The following PPP1R12B variants were observed in gnomAD, a reference collection of about 807,000 sequenced individuals.
PPP1R12B encodes protein phosphatase 1 regulatory subunit 12B.
Under a neutral mutation model 126.1 loss-of-function variants are expected in PPP1R12B, and 76 were observed. The ratio of observed to expected loss-of-function variants is 0.60; its 90% CI spans 0.50 to 0.73. The LOEUF (loss-of-function observed/expected upper bound fraction) is 0.73, where lower values mean the gene tolerates loss of function less well. PPP1R12B is among the 30% of genes least tolerant of loss of function. The pLI is 0.00. For missense variants in PPP1R12B, 1,052 were observed against 1,205.1 expected (o/e 0.87, Z 1.88); for synonymous variants, 356 against 434.7 (o/e 0.82, Z 2.25).
Position 202,586,710 on chromosome 1 carries a change from A to G in PPP1R12B, c.*6150A>G, listed in dbSNP as rs1344455783. The G allele has an allele frequency of 3.3e-5, 5 of 152,210 alleles. No homozygotes were observed. Among genetic ancestry groups the G allele is most frequent in the African/African-American group, 7.2e-5 (3 of 41,452 alleles). The allele number at this position is 152,210 out of a possible 1,614,324, so 9.4% of individuals were successfully genotyped here. On this transcript the variant is annotated 3_prime_UTR_variant, in exon 24 of 24. Coordinates refer to ENST00000608999, the MANE Select transcript of PPP1R12B (RefSeq NM_002481.4). ...GAAAGATGCATTCACTTCTCCTTTG[A>G]GAGTTGGGGTTGAGGGCAAACATAG...
rs1308921321 is a variant in PPP1R12B, at chr1:202,416,907, A to G, written c.412A>G (p.Asn138Asp). The change falls in exon 2 of 24, where the codon AAC becomes GAC. Residue 138 changes from asparagine to aspartate, a missense_variant. By Grantham distance (23) the Asn-to-Asp change is conservative. Transcript: ENST00000608999. Reference protein sequence around the residue: ...LHAAASCGYLNIAEYFINHGA... With the variant: ...LHAAASCGYLDIAEYFINHGA... Reference sequence around the variant, plus strand: ...TGCAGCAGCTTCCTGTGGCTATCTCAACATAGCAGAGTGAGTGAGTCTCTG... The same window carrying G: ...TGCAGCAGCTTCCTGTGGCTATCTCGACATAGCAGAGTGAGTGAGTCTCTG... 1 of 1,606,932 alleles carries G rather than the reference A, an allele frequency of 6.2e-7. No homozygotes were observed. The highest frequency in any genetic ancestry group is 8.5e-7 in the Non-Finnish European group (1 of 1,174,408).
intron 5 of PPP1R12B, among the ~76,000 whole-genome samples, chr1:202,427,775 G>T (rs1214417196): frequency 1.3e-5 from 2 of 152,074 alleles, no homozygotes; most frequent in Non-Finnish European, 1.5e-5. Flanking sequence ...CTCCTGAGTA[G>T]CTGGGACTAC....
rs1238774165 is a variant in PPP1R12B, at chr1:202,419,077, T to C, written c.422+2160T>C. Among the ~76,000 whole-genome samples the C allele has an allele frequency of 2.0e-5, 3 of 152,182 alleles. No homozygotes were observed. Among genetic ancestry groups the C allele is most frequent in the Non-Finnish European group, 2.9e-5 (2 of 68,028 alleles). Reference sequence around the variant, plus strand: ...TTTCATGGTGATCTTTTTGTCTCAGTATGTTGCATCAAAAGCAGGGAGCTT... The same window carrying C: ...TTTCATGGTGATCTTTTTGTCTCAGCATGTTGCATCAAAAGCAGGGAGCTT... On this transcript the variant is annotated intron_variant, in intron 2 of 23. Transcript: ENST00000608999. The surrounding 1 kb of genome is among the most constrained non-coding windows in gnomAD (Gnocchi z 4.6).
In PPP1R12B at chr1:202,493,730, T is replaced by G. The variant is rs534990574; in HGVS notation, c.2145+413T>G. Among the ~76,000 whole-genome samples the G allele has an allele frequency of 2.0e-5, 3 of 152,312 alleles. No homozygotes were observed. The South Asian group carries it at 6.2e-4, about 32-fold the overall frequency. The stretch of plus-strand genomic sequence containing the variant: ...TGAGGTAAATATTACTATTTCTATT[T>G]TATATATGAGGAAATTGAATCACAG... On this transcript the variant is annotated intron_variant, in intron 15 of 23. Transcript: ENST00000608999.
chr1:202,575,009 A>G, intron 23 of PPP1R12B: 1 of 1,610,446 alleles, frequency 6.2e-7, no homozygotes, highest in Non-Finnish European at 8.5e-7. Flanking sequence ...CAGAACCTCC[A>G]CCAGCTAAAA....
intron 10 of PPP1R12B, chr1:202,439,697 T>C (rs1353118795): frequency 2.0e-4 from 122 of 615,616 alleles, no homozygotes; most frequent in African/African-American, 1.8e-3. Flanking sequence ...CAGCAAGGAC[T>C]GGGGGTTGTG....
At chr1:202,481,109 C>A (rs1677301499) in intron 13 of PPP1R12B, among the ~76,000 whole-genome samples, 1 of 152,208 alleles carries the variant, frequency 6.6e-6, no homozygotes, top group African/African-American at 2.4e-5. Flanking sequence ...GTTCACGTCC[C>A]TATGAGAATC....
At chr1:202,354,654 C>CTT (rs565106722) in intron 1 of PPP1R12B, among the ~76,000 whole-genome samples, 2 of 143,300 alleles carry the variant, frequency 1.4e-5, no homozygotes, top group Admixed American at 7.0e-5. Flanking sequence ...GTGTCCCATT[C>CTT]TTTTTTTTTT....
rs1690166688 is a variant in PPP1R12B at position 202,592,675 on chromosome 1, A to C, written c.*12115A>C. The C allele has an allele frequency of 6.6e-6, 1 of 152,202 alleles. No homozygotes were observed. The highest frequency in any genetic ancestry group is 1.5e-5 in the Non-Finnish European group (1 of 68,044). The allele number at this position is 152,202 out of a possible 1,614,324, so 9.4% of individuals were successfully genotyped here. ...AAGGTTCTTATTTTGTTGTTGCTTAAAAAATAAAGTAATTCATGTGTCTTC... is the reference window on the plus strand; with the variant it reads ...AAGGTTCTTATTTTGTTGTTGCTTACAAAATAAAGTAATTCATGTGTCTTC... On this transcript the variant is annotated 3_prime_UTR_variant, in exon 24 of 24. Coordinates refer to ENST00000608999, the MANE Select transcript of PPP1R12B (RefSeq NM_002481.4).
chr1:202,356,821 CT>C (rs532654783), intron 1 of PPP1R12B, among the ~76,000 whole-genome samples: 2,613 of 139,652 alleles, frequency 0.019, 18 homozygotes, highest in South Asian at 0.039. Context: ...TGATTTCAGA[CT>C]TTTTTTTTTT....
intron 13 of PPP1R12B, among the ~76,000 whole-genome samples, chr1:202,464,296 A>G (rs1333394286): frequency 6.6e-6 from 1 of 152,178 alleles, no homozygotes; most frequent in Non-Finnish European, 1.5e-5. Context: ...GATGATGGGT[A>G]AATGTTTATT....
chr1:202,554,428 C>T (rs555107846), intron 18 of PPP1R12B, among the ~76,000 whole-genome samples: 1 of 152,152 alleles, frequency 6.6e-6, no homozygotes, highest in Admixed American at 6.5e-5. Flanking sequence ...CTACTGCATC[C>T]AAAGCTCACT....
intron 13 of PPP1R12B, among the ~76,000 whole-genome samples, chr1:202,453,750 G>C (rs979643585): frequency 3.3e-5 from 5 of 151,268 alleles, no homozygotes; most frequent in Non-Finnish European, 7.4e-5. Context: ...AAGGAAGGGA[G>C]ATGTTGAGTT....
chr1:202,499,130 C>G (rs1679908258), intron 18 of PPP1R12B, among the ~76,000 whole-genome samples: 1 of 152,242 alleles, frequency 6.6e-6, no homozygotes, highest in South Asian at 2.1e-4. Flanking sequence ...TTTCCATCAC[C>G]TTAAAACGTT....
At chr1:202,501,138 A>G (rs1202399164) in intron 18 of PPP1R12B, among the ~76,000 whole-genome samples, 12 of 152,278 alleles carry the variant, frequency 7.9e-5, no homozygotes, top group African/African-American at 2.9e-4. Context: ...ATCTTAATAG[A>G]TCCTTTGTCT....
At chr1:202,456,172 G>A (rs2148740165) in intron 13 of PPP1R12B, among the ~76,000 whole-genome samples, 1 of 152,038 alleles carries the variant, frequency 6.6e-6, no homozygotes. Context: ...AGGAGGCTGA[G>A]GCAGTAGAAT....
rs1407607869 is a variant in PPP1R12B at position 202,445,197 on chromosome 1, G to A, written c.1667+2625G>A. ...CTCTTCTTGCCCTGCACCAATCAGTGCAAACACTACTGCATCTGTACATCA... is the reference window on the plus strand; with the variant it reads ...CTCTTCTTGCCCTGCACCAATCAGTACAAACACTACTGCATCTGTACATCA... On this transcript the variant is annotated intron_variant, in intron 12 of 23. Transcript: ENST00000608999. 4.8e-6 allele frequency: 6 copies of A among 1,246,628 alleles called. No homozygotes were observed. In the East Asian group the frequency reaches 1.3e-4, roughly 26 times the overall value. 77.2% of individuals were successfully genotyped at this position (1,246,628 alleles called of 1,614,324 possible). A position where few individuals can be genotyped will look rare whatever the true frequency, so the allele number is the denominator to read the frequency against.
chr1:202,451,945 C>T (rs1435206417), intron 13 of PPP1R12B, among the ~76,000 whole-genome samples: 1 of 152,056 alleles, frequency 6.6e-6, no homozygotes, highest in East Asian at 1.9e-4. Flanking sequence ...CCTCACTTCT[C>T]AGACGGGGCG....
At position 202,464,856 on chromosome 1, in the gene PPP1R12B, A is replaced by G. The variant is rs190730506; in HGVS notation, c.1850+15685A>G. 6.2e-4 allele frequency among the ~76,000 whole-genome samples: 95 copies of G among 152,338 alleles called. 1 individual carries two copies. The highest frequency in any genetic ancestry group is 2.0e-3 in the African/African-American group (85 of 41,572). ...ATGATCCAAGACATCAAATGTACAC[A>G]TAGTAAGGCATGAGTGTATATTAAG... On this transcript the variant is annotated intron_variant, in intron 13 of 23. Coordinates refer to ENST00000608999, the MANE Select transcript of PPP1R12B (RefSeq NM_002481.4).
Sources: allele counts gnomAD v4.1 joint callset (sites outside exome capture counted in the v4.1 genomes callset), GRCh38; gene constraint gnomAD v4.1.1; non-coding constraint Gnocchi (gnomAD v3.1); transcripts MANE v1.5; gene names NCBI Gene and HGNC (gene_info 2026-07-23, HGNC 2026-07-21).